The following HLCS variants were observed in gnomAD, a reference collection of about 807,000 sequenced individuals.
HLCS encodes the protein holocarboxylase synthetase.
In HLCS, 53 loss-of-function variants were observed where a neutral mutation model predicts 75.0. That is an observed-to-expected ratio of 0.71 (90% CI 0.57 to 0.89). The LOEUF is 0.89. HLCS is among the 40% of genes least tolerant of loss of function. The pLI is 0.00. For missense variants in HLCS, 966 were observed against 1,074.0 expected (o/e 0.90, Z 1.41); for synonymous variants, 431 against 428.6 (o/e 1.01, Z -0.07).
chr21:36,856,962 A>G (rs949829255), intron 6 of HLCS, among the ~76,000 whole-genome samples: 1 of 152,254 alleles, frequency 6.6e-6, no homozygotes, highest in Non-Finnish European at 1.5e-5. Context: ...TTGCTAATGC[A>G]GGCAGTTCTC....
At position 36,748,860 on chromosome 21, in the gene HLCS, A is replaced by G. The variant is rs1028377512; in HGVS notation, c.*5386T>C. 6.6e-6 allele frequency: 1 copy of G among 152,634 alleles called. No homozygotes were observed. The highest frequency in any genetic ancestry group is 6.5e-5 in the Admixed American group (1 of 15,272). 9.5% of individuals were successfully genotyped at this position (152,634 alleles called of 1,614,324 possible). ...AATGCAAAAATATATATGTAGCCAGACAGTTTATGAGAATGACCCTGTCAA... is the reference window on the plus strand; with the variant it reads ...AATGCAAAAATATATATGTAGCCAGGCAGTTTATGAGAATGACCCTGTCAA... On this transcript the variant is annotated 3_prime_UTR_variant, in exon 11 of 11. Transcript: ENST00000674895.
At chr21:36,788,145 C>T (rs535739437) in intron 6 of HLCS, among the ~76,000 whole-genome samples, 11 of 152,242 alleles carry the variant, frequency 7.2e-5, no homozygotes, top group Non-Finnish European at 1.5e-4. Context: ...CTTCCTGAAG[C>T]TGTTCTGTGC....
At chr21:36,840,130 G>A (rs2062565448) in intron 6 of HLCS, among the ~76,000 whole-genome samples, 1 of 152,124 alleles carries the variant, frequency 6.6e-6, no homozygotes. Context: ...GTAACATCTT[G>A]TAACTTTACT....
chr21:36,983,855 T>C (rs1255187214), intron 1 of HLCS, among the ~76,000 whole-genome samples: 1 of 151,852 alleles, frequency 6.6e-6, no homozygotes, highest in East Asian at 1.9e-4. Flanking sequence ...AAAAATTTTT[T>C]TTTTTTAAGA....
At chr21:36,973,023 G>A (rs117974529) in intron 1 of HLCS, among the ~76,000 whole-genome samples, 27 of 151,720 alleles carry the variant, frequency 1.8e-4, no homozygotes, top group African/African-American at 6.0e-4. Flanking sequence ...CATGACCAGC[G>A]TGGGCAACAC....
chr21:36,794,871 T>C (rs1225450746), intron 6 of HLCS, among the ~76,000 whole-genome samples: 2 of 152,020 alleles, frequency 1.3e-5, no homozygotes, highest in Non-Finnish European at 2.9e-5. Context: ...GAAAAAGCGA[T>C]GTGCCGTTTC....
At chr21:36,829,904 T>G (rs2062140501) in intron 6 of HLCS, among the ~76,000 whole-genome samples, 1 of 152,328 alleles carries the variant, frequency 6.6e-6, no homozygotes, top group South Asian at 2.1e-4. Flanking sequence ...ACAACCCGGC[T>G]GCACATGCAC....
chr21:36,907,073 T>G (rs756632659), intron 5 of HLCS, among the ~76,000 whole-genome samples: 1 of 152,066 alleles, frequency 6.6e-6, no homozygotes, highest in Admixed American at 6.5e-5. Flanking sequence ...ATAACTGACT[T>G]GAAAAATGAT....
intron 7 of HLCS, among the ~76,000 whole-genome samples, chr21:36,766,589 T>C (rs1181840193): frequency 2.6e-5 from 4 of 152,192 alleles, no homozygotes; most frequent in Non-Finnish European, 4.4e-5. Flanking sequence ...GAGAAGCACA[T>C]GTGGGTGAGC....
rs890726812 is a variant in HLCS, at chr21:36,749,306, C to T, written c.*4940G>A. The stretch of plus-strand genomic sequence containing the variant: ...TTTCTTCACACTATCAACACTGCAG[C>T]ATTTTGCTGCTTTATCAAAATGGTT... On this transcript the variant is annotated 3_prime_UTR_variant, in exon 11 of 11. Transcript: ENST00000674895. The T allele has an allele frequency of 1.3e-4, 20 of 152,624 alleles. No individual in the cohort carries two copies. The highest frequency in any genetic ancestry group is 3.4e-4 in the African/African-American group (14 of 41,458). The allele number at this position is 152,624 out of a possible 1,614,324, so 9.5% of individuals were successfully genotyped here.
intron 10 of HLCS, among the ~76,000 whole-genome samples, chr21:36,755,696 ATTGT>A (rs1400617771): frequency 6.6e-6 from 1 of 152,256 alleles, no homozygotes; most frequent in South Asian, 2.1e-4. Flanking sequence ...TTTTGGTCTA[ATTGT>A]TTGTGCGCAG....
intron 5 of HLCS, among the ~76,000 whole-genome samples, chr21:36,902,910 T>C (rs967819234): frequency 5.3e-5 from 8 of 152,060 alleles, no homozygotes; most frequent in African/African-American, 1.9e-4. Flanking sequence ...GAGCTGAAGG[T>C]GTACAGAAAG....
intron 6 of HLCS, among the ~76,000 whole-genome samples, chr21:36,847,581 G>A (rs897173835): frequency 2.0e-5 from 3 of 152,148 alleles, no homozygotes; most frequent in Non-Finnish European, 2.9e-5. Context: ...TTTATTTAAA[G>A]TTGCATATGA....
intron 6 of HLCS, among the ~76,000 whole-genome samples, chr21:36,795,261 A>C (rs2060992931): frequency 6.6e-6 from 1 of 152,168 alleles, no homozygotes; most frequent in Admixed American, 6.5e-5. Flanking sequence ...AAAGAGAAGA[A>C]AGGAAATGCG....
chr21:36,762,854 C>A (rs1284867657), intron 8 of HLCS, among the ~76,000 whole-genome samples: 1 of 152,084 alleles, frequency 6.6e-6, no homozygotes, highest in Non-Finnish European at 1.5e-5. Context: ...CACAGCAGGC[C>A]CTCAAAGAAT....
chr21:36,755,651 C>A (rs777888382), intron 10 of HLCS, among the ~76,000 whole-genome samples: 2 of 152,216 alleles, frequency 1.3e-5, no homozygotes, highest in African/African-American at 4.8e-5. Context: ...ATGCCTCTTT[C>A]GTCTTCTCTA....
chr21:36,966,366 C>T, intron 1 of HLCS, 78 bp downstream of exon 1: 1 of 669,312 alleles, frequency 1.5e-6, no homozygotes, highest in African/African-American at 1.9e-5. Flanking sequence ...TCCCGGGCTC[C>T]CGGCGGGGAC....
chr21:36,859,215 G>T (rs1185882553), intron 6 of HLCS, among the ~76,000 whole-genome samples: 1 of 152,172 alleles, frequency 6.6e-6, no homozygotes, highest in East Asian at 1.9e-4. Context: ...TAGAGACGGG[G>T]TTTCACCATG....
intron 10 of HLCS, 146 bp from the exon 11 acceptor site, chr21:36,754,563 A>G: frequency 1.3e-6 from 1 of 797,606 alleles, no homozygotes; most frequent in Non-Finnish European, 2.1e-6. Flanking sequence ...GCCTGGGCTG[A>G]GCTCTGACTT....
Sources: allele counts gnomAD v4.1 joint callset (sites outside exome capture counted in the v4.1 genomes callset), GRCh38; gene constraint gnomAD v4.1.1; transcripts MANE v1.5; gene names NCBI Gene and HGNC (gene_info 2026-07-23, HGNC 2026-07-21).